Variants in COQ7 observed in about 807,000 individuals in gnomAD.
The protein encoded by COQ7 is coenzyme Q7, hydroxylase, also known as NADPH-dependent 3-demethoxyubiquinone 3-hydroxylase, mitochondrial.
In COQ7, 21 loss-of-function variants were observed where a neutral mutation model predicts 25.0. That is an observed-to-expected ratio of 0.84 (90% confidence interval 0.60 to 1.21). The LOEUF is 1.21. Among genes scored for constraint, COQ7 ranks in the 50% most tolerant of loss-of-function variants. The pLI is 0.00. For synonymous variants in COQ7, 125 were observed against 112.4 expected (o/e 1.11, Z -0.71); for missense variants, 311 against 296.2 (o/e 1.05, Z -0.37).
At chr16:19,068,455 C>T in intron 1 of COQ7, 1 of 936,808 alleles carries the variant, frequency 1.1e-6, no homozygotes, top group Non-Finnish European at 1.3e-6. Context: ...AGTTTGAGAC[C>T]AGCCTGGCCA....
rs909507993 is a variant in COQ7 at position 19,079,652 on chromosome 16, G to A, written c.*1494G>A. The A allele has an allele frequency of 2.1e-4, 32 of 152,126 alleles. 1 individual carries two copies. The highest frequency in any genetic ancestry group is 1.5e-5 in the Non-Finnish European group (1 of 68,024). 9.4% of individuals were successfully genotyped at this position (152,126 alleles called of 1,614,324 possible). On this transcript the variant is annotated 3_prime_UTR_variant, in exon 6 of 6. Transcript: ENST00000321998. ...CCAGGTGATTCCGGAGTGAGTTGGAGCTGCAAGCCCCTGAGCTAGATTATA... is the reference window on the plus strand; with the variant it reads ...CCAGGTGATTCCGGAGTGAGTTGGAACTGCAAGCCCCTGAGCTAGATTATA...
At chr16:19,068,056 C>G in intron 1 of COQ7, 2 of 1,215,388 alleles carry the variant, frequency 1.6e-6, no homozygotes, top group South Asian at 4.8e-5. Flanking sequence ...ACTGAAAATT[C>G]AGCGTCTCCG....
chr16:19,072,374 A>C (rs1382049207), intron 2 of COQ7: 1 of 464,688 alleles, frequency 2.2e-6, no homozygotes, highest in East Asian at 3.8e-5. Flanking sequence ...GTAATGAAAA[A>C]AGGTTAAGAA....
chr16:19,072,257 C>A, intron 2 of COQ7, 151 bp downstream of exon 2: 1 of 822,192 alleles, frequency 1.2e-6, no homozygotes, highest in South Asian at 1.8e-5. Context: ...AGATGGGGAG[C>A]AAAAAGCATA....
In COQ7 at chr16:19,079,101, T is replaced by TAGAG. The variant is rs1963011094; in HGVS notation, c.*947_*950dup. On this transcript the variant is annotated 3_prime_UTR_variant, in exon 6 of 6. Coordinates refer to ENST00000321998, the MANE Select transcript of COQ7 (RefSeq NM_016138.5). ...GGGATCAGTGCCTTATGAAAGGCCC[T>TAGAG]AGAGAGATACCTCATCCTCTCCACA... 6.6e-6 allele frequency: 1 copy of TAGAG among 152,166 alleles called. No homozygotes were observed. Among genetic ancestry groups the TAGAG allele is most frequent in the Non-Finnish European group, 1.5e-5 (1 of 68,036 alleles). 9.4% of individuals were successfully genotyped at this position (152,166 alleles called of 1,614,324 possible). A position where few individuals can be genotyped will look rare whatever the true frequency, so the allele number is the denominator to read the frequency against.
At chr16:19,076,154 A>G (rs963713767) in intron 4 of COQ7, among the ~76,000 whole-genome samples, 7 of 151,868 alleles carry the variant, frequency 4.6e-5, no homozygotes, top group Non-Finnish European at 1.0e-4. Context: ...TGGCACAGTC[A>G]TAGCTCACTG....
intron 1 of COQ7, 84 bp downstream of exon 1, chr16:19,067,821 C>G: frequency 1.3e-6 from 2 of 1,541,524 alleles, no homozygotes; most frequent in Non-Finnish European, 8.6e-7. Flanking sequence ...GAAGAGGTCA[C>G]GGGGGAGAGG....
At chr16:19,074,123 G>A (rs1285659004) in intron 3 of COQ7, 88 bp downstream of exon 3, 1 of 948,558 alleles carries the variant, frequency 1.1e-6, no homozygotes, top group Admixed American at 2.5e-5. Flanking sequence ...TTCTTGCTGT[G>A]TCCTCTTATG....
intron 4 of COQ7, among the ~76,000 whole-genome samples, chr16:19,076,276 T>TTA (rs869125449): frequency 6.7e-6 from 1 of 148,802 alleles, no homozygotes; most frequent in Non-Finnish European, 1.5e-5. Context: ...TTTTTTTTTT[T>TTA]AAGAGATGGG....
chr16:19,073,876 C>T (rs779799304), intron 2 of COQ7, 45 bp from the exon 3 acceptor site: 4 of 1,413,316 alleles, frequency 2.8e-6, no homozygotes, highest in Admixed American at 1.8e-5. Flanking sequence ...GAGTGGGAGG[C>T]CTCTATGGAA....
chr16:19,078,259 G>T lies in COQ7; in HGVS notation c.*101G>T. On this transcript the variant is annotated 3_prime_UTR_variant, in exon 6 of 6. Coordinates refer to ENST00000321998, the MANE Select transcript of COQ7 (RefSeq NM_016138.5). ...AGTTATCGTTGTACTTTTGTACAAT[G>T]TGAATTTTGTTAATAAATTATAAGG... 10 of 765,620 alleles carry T rather than the reference G, an allele frequency of 1.3e-5. No homozygotes were observed. Among genetic ancestry groups the T allele is most frequent in the East Asian group, 3.2e-5 (1 of 31,012 alleles). 47.4% of individuals were successfully genotyped at this position (765,620 alleles called of 1,614,324 possible). A position where few individuals can be genotyped will look rare whatever the true frequency, so the allele number is the denominator to read the frequency against.
intron 1 of COQ7, among the ~76,000 whole-genome samples, chr16:19,071,444 A>AT (rs1962552538): frequency 1.3e-5 from 2 of 152,250 alleles, no homozygotes; most frequent in Non-Finnish European, 2.9e-5. Flanking sequence ...ACAGGTGTGG[A>AT]TTTTAAGAGA....
In COQ7 at chr16:19,073,921, A is replaced by C. The variant is rs1425963513; in HGVS notation, c.253A>C (p.Lys85Gln). The C allele has an allele frequency of 1.2e-6, 2 of 1,611,380 alleles. No homozygotes were observed. Among genetic ancestry groups the C allele is most frequent in the Non-Finnish European group, 1.7e-6 (2 of 1,177,850 alleles). ...GRTSVGPVIQ[K>Q]MWDQEKDHLK... ...GTCTTTATTTTTATGTTTCTTGCAG[A>C]AAATGTGGGATCAAGAAAAGGACCA... Residue 85 changes from lysine to glutamine, a missense_variant and splice_region_variant, in exon 3 of 6, where the codon AAA becomes CAA. Physicochemically the swap from Lys to Gln is moderately conservative, Grantham distance 53. Coordinates refer to ENST00000321998, the MANE Select transcript of COQ7 (RefSeq NM_016138.5).
chr16:19,071,863 C>A, intron 1 of COQ7, 65 bp from the exon 2 acceptor site: 1 of 1,584,724 alleles, frequency 6.3e-7, no homozygotes, highest in Non-Finnish European at 8.6e-7. Flanking sequence ...GCCCTTTCTG[C>A]TGTCTGTAAA....
intron 1 of COQ7, chr16:19,068,293 G>T (rs1962347189): frequency 1.0e-6 from 1 of 991,032 alleles, no homozygotes; most frequent in Middle Eastern, 5.2e-4. Flanking sequence ...ATCGAATTTA[G>T]AGTAGAGAGA....
At chr16:19,082,698 C>A (rs1209499475), downstream of COQ7, among the ~76,000 whole-genome samples, 1 of 151,290 alleles carries the variant, frequency 6.6e-6, no homozygotes, top group Non-Finnish European at 1.5e-5. Context: ...ACCCAGGTGG[C>A]AGAGATTTCA....
At chr16:19,071,607 G>A (rs961261500) in intron 1 of COQ7, among the ~76,000 whole-genome samples, 4 of 152,208 alleles carry the variant, frequency 2.6e-5, no homozygotes, top group African/African-American at 9.6e-5. Flanking sequence ...GTACAGCCTG[G>A]GCTGGGGCGA....
chr16:19,071,796 C>T, intron 1 of COQ7, 132 bp from the exon 2 acceptor site: 1 of 891,904 alleles, frequency 1.1e-6, no homozygotes. Flanking sequence ...TAAACAGAGT[C>T]CGTTTATGGG....
At chr16:19,071,260 C>T (rs753697047) in intron 1 of COQ7, among the ~76,000 whole-genome samples, 2 of 152,128 alleles carry the variant, frequency 1.3e-5, no homozygotes, top group Admixed American at 6.6e-5. Context: ...CTCAGCCTCC[C>T]GAGGAGGTGG....
Sources: gnomAD v4.1 joint callset for allele counts (sites outside exome capture counted in the v4.1 genomes callset) on GRCh38, gnomAD v4.1.1 for gene constraint, MANE v1.5 for transcripts, NCBI Gene and HGNC (gene_info 2026-07-23, HGNC 2026-07-21) for gene names.